Variants in CSMD3 observed in about 807,000 individuals in gnomAD.
CSMD3 encodes the protein CUB and Sushi multiple domains 3.
Under a neutral mutation model 435.2 loss-of-function variants are expected in CSMD3, and 177 were observed. The ratio of observed to expected loss-of-function variants is 0.41; its 90% confidence interval spans 0.36 to 0.46. The LOEUF (loss-of-function observed/expected upper bound fraction) is 0.46. Among genes scored for constraint, CSMD3 ranks in the 20% least tolerant of loss-of-function variants. The probability of loss-of-function intolerance (pLI) is 0.34; values close to 1 mark genes in which losing one functional copy is unlikely to be tolerated. For missense variants in CSMD3, 4,265 were observed against 4,504.6 expected (o/e 0.95, Z 1.52); for synonymous variants, 1,656 against 1,520.5 (o/e 1.09, Z -2.07).
intron 4 of CSMD3, among the ~76,000 whole-genome samples, chr8:113,104,328 A>C (rs912460928): frequency 4.6e-5 from 7 of 152,126 alleles, no homozygotes; most frequent in African/African-American, 1.7e-4. Context: ...ATCAGCACTC[A>C]AGTGAAACTG....
intron 3 of CSMD3, among the ~76,000 whole-genome samples, chr8:113,208,577 T>G (rs1177181537): frequency 6.6e-6 from 1 of 152,200 alleles, no homozygotes; most frequent in Non-Finnish European, 1.5e-5. Context: ...ATAAAAGATA[T>G]CTTTATTTTG....
intron 5 of CSMD3, among the ~76,000 whole-genome samples, chr8:113,049,309 C>G (rs2087981813): frequency 2.0e-5 from 3 of 151,818 alleles, no homozygotes; most frequent in Non-Finnish European, 4.4e-5. Flanking sequence ...GTTTCAAGGA[C>G]ACCTGAGGGC....
intron 11 of CSMD3, among the ~76,000 whole-genome samples, chr8:112,843,028 A>T (rs2132539405): frequency 6.6e-6 from 1 of 151,990 alleles, no homozygotes; most frequent in South Asian, 2.1e-4. Context: ...AGAAGTTGCT[A>T]AAATATTAGT....
chr8:112,642,303 C>T (rs1422203217), intron 20 of CSMD3, among the ~76,000 whole-genome samples: 1 of 151,806 alleles, frequency 6.6e-6, no homozygotes, highest in Non-Finnish European at 1.5e-5. Context: ...TCTAGGTTTC[C>T]CGTAACTATT....
chr8:112,472,309 A>G (rs1818597763), intron 32 of CSMD3, among the ~76,000 whole-genome samples: 1 of 152,170 alleles, frequency 6.6e-6, no homozygotes, highest in South Asian at 2.1e-4. Flanking sequence ...AAATTCCAAT[A>G]TGAAGGCACT....
intron 13 of CSMD3, among the ~76,000 whole-genome samples, chr8:112,783,412 A>AGGAGGGGGGGAG (rs2078444568): frequency 3.8e-5 from 3 of 78,858 alleles, no homozygotes; most frequent in African/African-American, 1.7e-4. Flanking sequence ...GAAGGAAGGA[A>AGGAGGGGGGGAG]GGAGGGAGGG....
chr8:113,170,030 A>G (rs189380489), intron 4 of CSMD3, among the ~76,000 whole-genome samples: 51 of 152,204 alleles, frequency 3.4e-4, no homozygotes, highest in African/African-American at 1.2e-3. Context: ...ATTTTTTCTT[A>G]ATTAAACTAC....
In CSMD3 at chr8:112,700,298, TGA is replaced by T. The variant is rs144088426; in HGVS notation, c.1973-10250_1973-10249del. 8.0e-3 allele frequency among the ~76,000 whole-genome samples: 1,222 copies of T among 151,802 alleles called. 16 individuals carry two copies. The highest frequency in any genetic ancestry group is 0.028 in the African/African-American group (1,171 of 41,408). On this transcript the variant is annotated intron_variant, in intron 13 of 70. Transcript: ENST00000297405. The stretch of plus-strand genomic sequence containing the variant: ...GGCGGATCACCTGAGGTCAGAAGGT[TGA>T]GAGCAGCCTGGCCAACATGGAGAAA...
At chr8:112,930,321 A>G (rs973700848) in intron 9 of CSMD3, among the ~76,000 whole-genome samples, 2 of 152,120 alleles carry the variant, frequency 1.3e-5, no homozygotes, top group Non-Finnish European at 2.9e-5. Flanking sequence ...ACCTATTTGT[A>G]TCTAATTTTT....
chr8:112,919,230 A>G (rs1396203816), intron 10 of CSMD3, among the ~76,000 whole-genome samples: 1 of 151,820 alleles, frequency 6.6e-6, no homozygotes, highest in African/African-American at 2.4e-5. Flanking sequence ...ATGAATACAT[A>G]TGTTATATAT....
intron 11 of CSMD3, among the ~76,000 whole-genome samples, chr8:112,841,503 T>C (rs991721478): frequency 6.6e-6 from 1 of 151,866 alleles, no homozygotes; most frequent in African/African-American, 2.4e-5. Flanking sequence ...GATGATTATT[T>C]ATTCCTGTGT....
At chr8:113,005,603 T>C (rs970720936) in intron 6 of CSMD3, among the ~76,000 whole-genome samples, 5 of 151,926 alleles carry the variant, frequency 3.3e-5, no homozygotes, top group African/African-American at 9.7e-5. Context: ...ATTTAAAAAA[T>C]AACTGAAAAG....
At chr8:112,240,942 G>A (rs966463236) in intron 66 of CSMD3, among the ~76,000 whole-genome samples, 3 of 151,982 alleles carry the variant, frequency 2.0e-5, no homozygotes, top group Non-Finnish European at 4.4e-5. Context: ...CTTCCTCCAT[G>A]ATAGTGAGGC....
intron 3 of CSMD3, among the ~76,000 whole-genome samples, chr8:113,236,340 C>A (rs2093148874): frequency 1.3e-5 from 2 of 152,154 alleles, no homozygotes; most frequent in African/African-American, 4.8e-5. Context: ...TCAGAGTGTA[C>A]TTTTGCTTTG....
chr8:113,122,155 T>A (rs549858021), intron 4 of CSMD3, among the ~76,000 whole-genome samples: 14 of 152,256 alleles, frequency 9.2e-5, no homozygotes, highest in Non-Finnish European at 1.9e-4. Flanking sequence ...AATTGTCACA[T>A]ACATTGGATT....
intron 5 of CSMD3, among the ~76,000 whole-genome samples, chr8:113,050,997 G>A (rs2088064620): frequency 1.3e-5 from 2 of 152,082 alleles, no homozygotes; most frequent in South Asian, 4.1e-4. Flanking sequence ...AGGGAAGTGA[G>A]AAAGGGTGTG....
chr8:113,030,224 A>G (rs1012739414), intron 5 of CSMD3, among the ~76,000 whole-genome samples: 4 of 151,124 alleles, frequency 2.6e-5, no homozygotes, highest in East Asian at 1.9e-4. Context: ...TACAAATTCA[A>G]TGCAATCCCC....
At chr8:112,263,065 G>T (rs1198511601) in intron 61 of CSMD3, among the ~76,000 whole-genome samples, 1 of 148,568 alleles carries the variant, frequency 6.7e-6, no homozygotes, top group East Asian at 2.0e-4. Flanking sequence ...AGAGGAGTTT[G>T]TTTTGTTTTG....
chr8:112,992,986 C>G (rs1223246126), intron 6 of CSMD3, among the ~76,000 whole-genome samples: 3 of 151,736 alleles, frequency 2.0e-5, no homozygotes, highest in Non-Finnish European at 4.4e-5. Context: ...ATCACTATTA[C>G]AGAGCTTCTG....
Sources: allele counts gnomAD v4.1 joint callset (sites outside exome capture counted in the v4.1 genomes callset), GRCh38; gene constraint gnomAD v4.1.1; transcripts MANE v1.5; gene names NCBI Gene and HGNC (gene_info 2026-07-23, HGNC 2026-07-21).